Variants in PSD3 observed in about 807,000 individuals in gnomAD.
PSD3 encodes PH and SEC7 domain-containing protein 3.
PSD3 carries 49 observed loss-of-function variants against 105.5 expected under a neutral mutation model. The ratio of observed to expected loss-of-function variants is 0.46; its 90% confidence interval spans 0.37 to 0.59. The LOEUF (loss-of-function observed/expected upper bound fraction) is 0.59, where lower values mean the gene tolerates loss of function less well. Among genes scored for constraint, PSD3 ranks in the 20% least tolerant of loss-of-function variants. PSD3 has a pLI of 0.00. For missense variants in PSD3, 1,561 were observed against 1,263.8 expected, an observed-to-expected ratio of 1.24 and a Z score of -3.57; for synonymous variants, 557 against 457.8, an observed-to-expected ratio of 1.22 and a Z score of -2.77.
chr8:18,582,707 CTA>C (rs1563345670), intron 12 of PSD3, among the ~76,000 whole-genome samples: 3 of 151,934 alleles, frequency 2.0e-5, no homozygotes, highest in African/African-American at 4.8e-5. Context: ...CCAAGTAGAG[CTA>C]TGTTTCCCCC....
At chr8:19,076,375 C>T (rs1829463311) in intron 1 of PSD3, among the ~76,000 whole-genome samples, 2 of 151,912 alleles carry the variant, frequency 1.3e-5, no homozygotes. Context: ...TAGAGGTAGG[C>T]ATAGGAATAA....
chr8:18,564,490 A>G (rs1801605293), intron 14 of PSD3, among the ~76,000 whole-genome samples: 1 of 152,100 alleles, frequency 6.6e-6, no homozygotes, highest in Non-Finnish European at 1.5e-5. Flanking sequence ...TTAGCTGGGC[A>G]TGGTGGTGCA....
chr8:18,664,256 T>C (rs767713698), intron 9 of PSD3, among the ~76,000 whole-genome samples: 1 of 152,156 alleles, frequency 6.6e-6, no homozygotes, highest in African/African-American at 2.4e-5. Context: ...TTAACCAAGT[T>C]GTAAATGAAA....
intron 8 of PSD3, among the ~76,000 whole-genome samples, chr8:18,792,302 C>T (rs79683508): frequency 1.3e-5 from 2 of 152,088 alleles, no homozygotes; most frequent in African/African-American, 4.8e-5. Flanking sequence ...GTAGGAAAGA[C>T]ATGGAATCAA....
intron 4 of PSD3, among the ~76,000 whole-genome samples, chr8:18,806,170 G>C (rs1241407260): frequency 7.2e-5 from 11 of 152,102 alleles, no homozygotes; most frequent in Non-Finnish European, 1.5e-4. Context: ...TTTTTATTTT[G>C]AGTGCATGAC....
chr8:18,923,934 T>TGTGTGTGTATTATA (rs1821194697), intron 2 of PSD3, among the ~76,000 whole-genome samples: 1 of 151,856 alleles, frequency 6.6e-6, no homozygotes, highest in African/African-American at 2.4e-5. Flanking sequence ...TATACATATA[T>TGTGTGTGTATTATA]TAAACACCAA....
chr8:18,917,381 T>C (rs1370599479), intron 2 of PSD3, among the ~76,000 whole-genome samples: 1 of 152,160 alleles, frequency 6.6e-6, no homozygotes, highest in Non-Finnish European at 1.5e-5. Flanking sequence ...CTCTTACAGC[T>C]AAAAGTGATC....
intron 12 of PSD3, among the ~76,000 whole-genome samples, chr8:18,598,645 T>C (rs1293822391): frequency 6.6e-6 from 1 of 152,088 alleles, no homozygotes; most frequent in Non-Finnish European, 1.5e-5. Context: ...AATGATCTTA[T>C]ATGTAGAAAA....
At chr8:18,878,684 T>G (rs1329793972) in intron 2 of PSD3, among the ~76,000 whole-genome samples, 1 of 152,202 alleles carries the variant, frequency 6.6e-6, no homozygotes. Flanking sequence ...CCAAATCCCC[T>G]GTCCTTAATT....
At chr8:18,632,933 T>A (rs1388386526) in intron 10 of PSD3, 127 bp from the exon 11 acceptor site, 3 of 705,700 alleles carry the variant, frequency 4.3e-6, no homozygotes, top group Non-Finnish European at 6.8e-6. Flanking sequence ...ACCACCATGA[T>A]AATGACAGAC....
intron 1 of PSD3, among the ~76,000 whole-genome samples, chr8:19,033,120 A>G (rs1402376351): frequency 6.6e-6 from 1 of 151,062 alleles, no homozygotes; most frequent in Non-Finnish European, 1.5e-5. Flanking sequence ...CAAACGGAAC[A>G]AAACCACACA....
At chr8:19,074,624 T>A (rs1329876150) in intron 1 of PSD3, among the ~76,000 whole-genome samples, 4 of 116,732 alleles carry the variant, frequency 3.4e-5, no homozygotes, top group African/African-American at 1.0e-4. Flanking sequence ...TTTTTTTTTT[T>A]TTTTTTTTTT....
intron 1 of PSD3, among the ~76,000 whole-genome samples, chr8:19,073,074 C>A (rs1469165356): frequency 6.6e-6 from 1 of 152,094 alleles, no homozygotes; most frequent in Non-Finnish European, 1.5e-5. Flanking sequence ...GATTTTTATA[C>A]CTGCTATACT....
chr8:19,032,692 T>C (rs1349590215), intron 1 of PSD3, among the ~76,000 whole-genome samples: 1 of 151,916 alleles, frequency 6.6e-6, no homozygotes, highest in Non-Finnish European at 1.5e-5. Flanking sequence ...TTGATTTATG[T>C]TGTAATGTAA....
rs930674521 is a variant in PSD3, at chr8:18,724,122, G to C, written c.2172+41327C>G. ...AAAAGAAGATGAAAATATGAGCCTAGGGTTTGGATTCTTTATAAGCAGGTA... is the reference window on the plus strand; with the variant it reads ...AAAAGAAGATGAAAATATGAGCCTACGGTTTGGATTCTTTATAAGCAGGTA... On this transcript the variant is annotated intron_variant, in intron 9 of 15. Transcript: ENST00000327040. Among the ~76,000 whole-genome samples the C allele has an allele frequency of 5.3e-5, 8 of 152,278 alleles. No individual in the cohort carries two copies. The East Asian group carries it at 1.5e-3, about 29-fold the overall frequency.
chr8:18,564,214 C>A (rs1030484305), intron 14 of PSD3, among the ~76,000 whole-genome samples: 1 of 151,626 alleles, frequency 6.6e-6, no homozygotes, highest in Non-Finnish European at 1.5e-5. Context: ...AAAAAAGCAT[C>A]ATATATTAAA....
At chr8:18,590,309 A>G (rs893746842) in intron 12 of PSD3, among the ~76,000 whole-genome samples, 10 of 152,206 alleles carry the variant, frequency 6.6e-5, no homozygotes, top group Admixed American at 3.9e-4. Flanking sequence ...CATCTGATTC[A>G]GTACTGCGGA....
intron 1 of PSD3, among the ~76,000 whole-genome samples, chr8:18,953,644 G>C (rs1028431837): frequency 6.6e-6 from 1 of 152,048 alleles, no homozygotes. Flanking sequence ...AGCTACTCGG[G>C]AGGCTGAGGC....
At chr8:18,750,767 G>C (rs1047861895) in intron 9 of PSD3, among the ~76,000 whole-genome samples, 1 of 152,012 alleles carries the variant, frequency 6.6e-6, no homozygotes, top group African/African-American at 2.4e-5. Context: ...TACAGAGTAT[G>C]GACACACAGG....
Sources: gnomAD v4.1 joint callset for allele counts (sites outside exome capture counted in the v4.1 genomes callset) on GRCh38, gnomAD v4.1.1 for gene constraint, MANE v1.5 for transcripts, NCBI Gene and HGNC (gene_info 2026-07-23, HGNC 2026-07-21) for gene names.